The following ZMYM2 variants were observed in gnomAD, a reference collection of about 807,000 sequenced individuals.
The protein encoded by ZMYM2 is zinc finger MYM-type protein 2.
In ZMYM2, 56 loss-of-function variants were observed where a neutral mutation model predicts 162.8. That is an observed-to-expected ratio of 0.34 (90% CI 0.28 to 0.43). The LOEUF (loss-of-function observed/expected upper bound fraction) is 0.43. Among genes scored for constraint, ZMYM2 ranks in the 20% least tolerant of loss-of-function variants. The probability of loss-of-function intolerance (pLI) is 1.00; values close to 1 mark genes in which losing one functional copy is unlikely to be tolerated. For missense variants in ZMYM2, 1,275 were observed against 1,621.8 expected, an observed-to-expected ratio of 0.79 and a Z score of 3.67; for synonymous variants, 510 against 541.6, an observed-to-expected ratio of 0.94 and a Z score of 0.81.
chr13:20,006,619 T>TATATCTA (rs757266892), intron 6 of ZMYM2, 33 bp downstream of exon 6: 1 of 1,599,216 alleles, frequency 6.3e-7, no homozygotes, highest in Admixed American at 1.7e-5. Flanking sequence ...TTGGGCATTC[T>TATATCTA]TTAGAATGTT....
intron 2 of ZMYM2, among the ~76,000 whole-genome samples, chr13:19,992,098 C>A (rs752538968): frequency 2.0e-5 from 3 of 152,090 alleles, no homozygotes; most frequent in Non-Finnish European, 4.4e-5. Flanking sequence ...TCTTTGGTGA[C>A]CTTTATTCAG....
At chr13:19,908,606 A>T in the ZMYM2 span, among the ~76,000 whole-genome samples, 1 of 152,206 alleles carries the variant, frequency 6.6e-6, no homozygotes. Context: ...ATTACCTAAT[A>T]GTTGCTGATC....
chr13:20,083,849 A>T (rs1958064905), intron 24 of ZMYM2, 73 bp downstream of exon 24: 1 of 1,459,594 alleles, frequency 6.9e-7, no homozygotes, highest in Non-Finnish European at 9.3e-7. Context: ...CATTACCAAG[A>T]AGTGACTTTT....
the ZMYM2 span, among the ~76,000 whole-genome samples, chr13:19,951,926 G>A: frequency 1.3e-5 from 2 of 152,236 alleles, no homozygotes; most frequent in East Asian, 3.9e-4. Context: ...TTCAGGTGGT[G>A]CCTACACTCT....
chr13:19,947,663 T>TGGCTAGGCTAGGCTA, the ZMYM2 span, among the ~76,000 whole-genome samples: 1,068 of 148,568 alleles, frequency 7.2e-3, 13 homozygotes, highest in African/African-American at 0.021. Context: ...TTCACCATGT[T>TGGCTAGGCTAGGCTA]GGCTAGGCTA....
chr13:19,890,497 T>G, the ZMYM2 span, among the ~76,000 whole-genome samples: 1 of 41,006 alleles, frequency 2.4e-5, no homozygotes, highest in Non-Finnish European at 4.7e-5. Context: ...TTGTTTGTAG[T>G]GCTTTTGTAA....
At chr13:20,065,974 T>C (rs185459299) in intron 19 of ZMYM2, among the ~76,000 whole-genome samples, 3 of 152,230 alleles carry the variant, frequency 2.0e-5, no homozygotes, top group Admixed American at 2.0e-4. Flanking sequence ...TACAGTAATA[T>C]TTAGATTATT....
chr13:20,036,258 CAATA>C (rs1186349301), intron 11 of ZMYM2, among the ~76,000 whole-genome samples: 1 of 85,198 alleles, frequency 1.2e-5, no homozygotes, highest in Non-Finnish European at 2.9e-5. Flanking sequence ...CTGGGCAAGT[CAATA>C]AATCTGTTTT....
At chr13:19,914,518 C>T in the ZMYM2 span, among the ~76,000 whole-genome samples, 4 of 152,210 alleles carry the variant, frequency 2.6e-5, no homozygotes, top group Non-Finnish European at 4.4e-5. Flanking sequence ...GGCACCATTC[C>T]CCAGGGTGAT....
chr13:19,869,743 G>T, the ZMYM2 span, among the ~76,000 whole-genome samples: 1 of 152,070 alleles, frequency 6.6e-6, no homozygotes, highest in Non-Finnish European at 1.5e-5. Context: ...GGCTGTCATT[G>T]TGCCACTGCA....
the ZMYM2 span, among the ~76,000 whole-genome samples, chr13:19,908,543 C>A: frequency 6.6e-6 from 1 of 152,268 alleles, no homozygotes; most frequent in East Asian, 1.9e-4. Flanking sequence ...GTATAGTCAG[C>A]CTGCTTCATC....
At chr13:19,955,558 G>A (rs1361176918), upstream of ZMYM2, among the ~76,000 whole-genome samples, 1 of 152,154 alleles carries the variant, frequency 6.6e-6, no homozygotes, top group Non-Finnish European at 1.5e-5. Context: ...TGAGCTCTTG[G>A]TCTTCGAAAT....
chr13:20,023,440 A>G (rs999299073), intron 7 of ZMYM2, among the ~76,000 whole-genome samples: 1 of 152,180 alleles, frequency 6.6e-6, no homozygotes, highest in East Asian at 1.9e-4. Flanking sequence ...AAAATTTGGG[A>G]GAAGTTGTAA....
At chr13:20,019,407 A>T in intron 6 of ZMYM2, 140 bp from the exon 7 acceptor site, 1 of 645,306 alleles carries the variant, frequency 1.5e-6, no homozygotes, top group Non-Finnish European at 2.6e-6. Flanking sequence ...CAGGACAGGC[A>T]GACATTTTTA....
At chr13:19,876,287 C>A in the ZMYM2 span, among the ~76,000 whole-genome samples, 1 of 151,988 alleles carries the variant, frequency 6.6e-6, no homozygotes, top group African/African-American at 2.4e-5. Flanking sequence ...TTTGGCCTCC[C>A]AAAGTGCTGG....
chr13:19,891,777 T>TA, the ZMYM2 span, among the ~76,000 whole-genome samples: 6 of 151,644 alleles, frequency 4.0e-5, no homozygotes, highest in African/African-American at 1.5e-4. Flanking sequence ...ATCCTCCCTC[T>TA]AAAAAAAATA....
chr13:20,055,408 C>T (rs1275713341), intron 14 of ZMYM2, among the ~76,000 whole-genome samples: 3 of 152,148 alleles, frequency 2.0e-5, no homozygotes, highest in African/African-American at 7.2e-5. Flanking sequence ...AGCTCTCATA[C>T]TGTAAACAAG....
At chr13:20,018,774 G>A (rs186545812) in intron 6 of ZMYM2, among the ~76,000 whole-genome samples, 3 of 152,178 alleles carry the variant, frequency 2.0e-5, no homozygotes, top group Non-Finnish European at 4.4e-5. Flanking sequence ...TGTCATATGT[G>A]CTTTCAAAAG....
Position 20,086,201 on chromosome 13 carries a change from A to G in ZMYM2, c.*187A>G, listed in dbSNP as rs760414446. 41 of 451,974 alleles carry G rather than the reference A, an allele frequency of 9.1e-5. No homozygotes were observed. Among genetic ancestry groups the G allele is most frequent in the Admixed American group, 3.0e-4 (8 of 26,304 alleles). The allele number at this position is 451,974 out of a possible 1,614,324, so 28.0% of individuals were successfully genotyped here. The stretch of plus-strand genomic sequence containing the variant: ...TGCCATTATTCTATGTAGTGGTTTT[A>G]GGATACTTAACAAATACATTCAAAT... On this transcript the variant is annotated 3_prime_UTR_variant, in exon 25 of 25. Coordinates refer to ENST00000610343, the MANE Select transcript of ZMYM2 (RefSeq NM_197968.4).
Sources: allele counts gnomAD v4.1 joint callset (sites outside exome capture counted in the v4.1 genomes callset), GRCh38; gene constraint gnomAD v4.1.1; transcripts MANE v1.5; gene names NCBI Gene and HGNC (gene_info 2026-07-23, HGNC 2026-07-21).